The following ZNF565 variants were observed in gnomAD, a reference collection of about 807,000 sequenced individuals.
ZNF565 encodes the protein zinc finger protein 565.
Under a neutral mutation model 39.4 loss-of-function variants are expected in ZNF565, and 27 were observed. The ratio of observed to expected loss-of-function variants is 0.69; its 90% confidence interval spans 0.51 to 0.95. The LOEUF (loss-of-function observed/expected upper bound fraction) is 0.95. Ranked by LOEUF, ZNF565 falls within the 40% of genes least tolerant of loss-of-function variation. The probability of loss-of-function intolerance (pLI) is 0.00; values close to 1 mark genes in which losing one functional copy is unlikely to be tolerated. For synonymous variants in ZNF565, 185 were observed against 216.6 expected (o/e 0.85, Z 1.28); for missense variants, 524 against 621.1 (o/e 0.84, Z 1.66).
At position 36,195,089 on chromosome 19, in the gene ZNF565, G is replaced by A; in HGVS notation, c.77C>T (p.Ala26Val). 1 of 1,614,160 alleles carries A rather than the reference G, an allele frequency of 6.2e-7. No homozygotes were observed. Among genetic ancestry groups the A allele is most frequent in the Non-Finnish European group, 8.5e-7 (1 of 1,180,036 alleles). ...SLEEWKCLEPAQRDLYREVTL... is the reference protein window; with the variant it reads ...SLEEWKCLEPVQRDLYREVTL... ...CACCTCCCTGTACAAGTCCCTCTGA[G>A]CAGGTTCCAGGCACTTCCATTCTTC... Residue 26 changes from alanine (A) to valine (V), a missense_variant, in exon 3 of 5, where the codon GCT (alanine) becomes GTT (valine). Ala to Val is a moderately conservative substitution (Grantham distance 64). Coordinates refer to ENST00000304116, the MANE Select transcript of ZNF565 (RefSeq NM_152477.5).
rs559086398 is a variant in ZNF565 at position 36,239,828 on chromosome 19, A to T, written c.55+5648T>A. 1.0e-3 allele frequency among the ~76,000 whole-genome samples: 155 copies of T among 152,198 alleles called. 1 individual carries two copies. Among genetic ancestry groups the T allele is most frequent in the African/African-American group, 3.6e-3 (149 of 41,532 alleles). On this transcript the variant is annotated intron_variant, in intron 1 of 4. Coordinates refer to the ZNF565 transcript ENST00000355114. Reference sequence around the variant, plus strand: ...TTTTGTAAACCAGCCCTTCATGAAAATTTTTTTATTCTTTGATCACATTAT... The same window carrying T: ...TTTTGTAAACCAGCCCTTCATGAAATTTTTTTTATTCTTTGATCACATTAT...
At chr19:36,199,632 G>C (rs1975884313) in intron 2 of ZNF565, among the ~76,000 whole-genome samples, 1 of 150,232 alleles carries the variant, frequency 6.7e-6, no homozygotes, top group Admixed American at 6.8e-5. Context: ...TGAGCCTCCT[G>C]AGTAGCTGGG....
In ZNF565 at chr19:36,231,370, C is replaced by T. The variant is rs934144360; in HGVS notation, c.55+14106G>A. 3.3e-5 allele frequency among the ~76,000 whole-genome samples: 5 copies of T among 152,114 alleles called. No individual in the cohort carries two copies. In the South Asian group the frequency reaches 8.3e-4, roughly 25 times the overall value. On this transcript the variant is annotated intron_variant, in intron 1 of 4. Transcript: ENST00000355114. ...GACTACAGGTGCCCACCACCACACCCGGCTAATTTTTGTATTTTTTTGGTA... is the reference window on the plus strand; with the variant it reads ...GACTACAGGTGCCCACCACCACACCTGGCTAATTTTTGTATTTTTTTGGTA...
At chr19:36,200,215 A>G (rs997896369) in intron 2 of ZNF565, among the ~76,000 whole-genome samples, 1 of 151,002 alleles carries the variant, frequency 6.6e-6, no homozygotes, top group African/African-American at 2.4e-5. Flanking sequence ...CAGTACAGAC[A>G]GAGTTTCATC....
intron 4 of ZNF565, among the ~76,000 whole-genome samples, chr19:36,192,152 C>A (rs191227924): frequency 2.5e-4 from 38 of 152,040 alleles, no homozygotes; most frequent in Admixed American, 5.3e-4. Flanking sequence ...CCACGCCCAG[C>A]TAATTTTTAT....
intron 4 of ZNF565, among the ~76,000 whole-genome samples, chr19:36,187,367 CT>C (rs568132975): frequency 4.7e-5 from 7 of 148,500 alleles, no homozygotes; most frequent in Non-Finnish European, 7.5e-5. Flanking sequence ...GACAGAGTCT[CT>C]TTTTTTTTTC....
intron 4 of ZNF565, among the ~76,000 whole-genome samples, chr19:36,185,974 G>T (rs1975284046): frequency 6.6e-6 from 1 of 151,436 alleles, no homozygotes; most frequent in Non-Finnish European, 1.5e-5. Flanking sequence ...GATTACGGGC[G>T]TTTGCCACTG....
At chr19:36,217,894 A>C (rs541151212), upstream of ZNF565, among the ~76,000 whole-genome samples, 275 of 152,148 alleles carry the variant, frequency 1.8e-3, no homozygotes, top group Non-Finnish European at 2.6e-3. Context: ...TCAAAAAAAA[A>C]AAAAAAAATT....
intron 1 of ZNF565, chr19:36,236,947 G>T: frequency 6.2e-7 from 1 of 1,614,050 alleles, no homozygotes; most frequent in Non-Finnish European, 8.5e-7. Flanking sequence ...GCCAGAAGAA[G>T]TACCTCATAA....
chr19:36,227,482 C>T (rs1040836351), intron 1 of ZNF565, among the ~76,000 whole-genome samples: 6 of 151,560 alleles, frequency 4.0e-5, no homozygotes, highest in African/African-American at 1.2e-4. Flanking sequence ...GTCCTGGGCT[C>T]GAGTGATCTT....
chr19:36,234,692 C>T lies in ZNF565; in HGVS notation c.55+10784G>A, dbSNP rs143958642. The stretch of plus-strand genomic sequence containing the variant: ...GATTACAGGCGTGAGCCACTGCGCC[C>T]GGCCAGCCAGCATCTTTTGTCTTCA... On this transcript the variant is annotated intron_variant, in intron 1 of 4. Coordinates refer to the ZNF565 transcript ENST00000355114. Among the ~76,000 whole-genome samples the T allele has an allele frequency of 1.4e-3, 209 of 152,282 alleles. 1 individual carries two copies. Among genetic ancestry groups the T allele is most frequent in the African/African-American group, 4.3e-3 (179 of 41,564 alleles).
chr19:36,230,037 G>T (rs985445947), intron 1 of ZNF565, among the ~76,000 whole-genome samples: 5 of 152,158 alleles, frequency 3.3e-5, no homozygotes, highest in African/African-American at 1.2e-4. Context: ...AATTTAACCT[G>T]TCTCCTACTA....
upstream of ZNF565, among the ~76,000 whole-genome samples, chr19:36,217,294 C>A (rs963035075): frequency 6.6e-6 from 1 of 151,554 alleles, no homozygotes; most frequent in Admixed American, 6.6e-5. Context: ...AACTCTTGAC[C>A]TCAAGTGATC....
chr19:36,195,145 T>G lies in ZNF565; in HGVS notation c.21A>C (p.Thr7=), dbSNP rs937730307. 1 of 1,613,956 alleles carries G rather than the reference T, an allele frequency of 6.2e-7. No individual in the cohort carries two copies. The highest frequency in any genetic ancestry group is 1.3e-5 in the African/African-American group (1 of 75,060). Reference sequence around the variant, plus strand: ...AGAACTCTATGGCCACGTCCCTGAATGTCACCAGTCCCTGAAACAATAAAC... The same window carrying G: ...AGAACTCTATGGCCACGTCCCTGAAGGTCACCAGTCCCTGAAACAATAAAC... MAQGLV[T]FRDVAIEFSL... The change falls in exon 3 of 5, where the codon ACA becomes ACC. Residue 7 remains threonine (T), a synonymous_variant. Transcript: ENST00000304116.
chr19:36,187,443 G>A (rs1465161179), intron 4 of ZNF565, among the ~76,000 whole-genome samples: 2 of 146,112 alleles, frequency 1.4e-5, no homozygotes, highest in African/African-American at 5.0e-5. Flanking sequence ...CTCATTGCAA[G>A]CTCTGCCTCC....
chr19:36,184,171 A>T (rs1975206654), intron 4 of ZNF565, among the ~76,000 whole-genome samples: 1 of 151,846 alleles, frequency 6.6e-6, no homozygotes, highest in Admixed American at 6.6e-5. Context: ...CATCTCAAAT[A>T]TTATGCAATT....
chr19:36,194,116 G>A (rs988557952), intron 4 of ZNF565, 117 bp downstream of exon 4: 5 of 735,696 alleles, frequency 6.8e-6, no homozygotes, highest in South Asian at 2.3e-5. Flanking sequence ...ACATCTTCAC[G>A]TTTCAGGCCT....
intron 4 of ZNF565, among the ~76,000 whole-genome samples, chr19:36,188,229 C>A (rs1182941816): frequency 3.3e-5 from 5 of 151,464 alleles, no homozygotes; most frequent in Non-Finnish European, 7.4e-5. Flanking sequence ...GTGTTGTGCA[C>A]CTGTAGTCCC....
intron 1 of ZNF565, among the ~76,000 whole-genome samples, chr19:36,239,786 C>T (rs1294850449): frequency 6.6e-6 from 1 of 152,110 alleles, no homozygotes; most frequent in East Asian, 1.9e-4. Flanking sequence ...ATGGCTCAGA[C>T]CCTAGACAGA....
Sources: allele counts gnomAD v4.1 joint callset (sites outside exome capture counted in the v4.1 genomes callset), GRCh38; gene constraint gnomAD v4.1.1; transcripts MANE v1.5; gene names NCBI Gene and HGNC (gene_info 2026-07-23, HGNC 2026-07-21).